Variants in NECTIN4 observed in about 807,000 individuals in gnomAD.
NECTIN4 encodes nectin cell adhesion molecule 4, also known as nectin-4.
A neutral mutation model predicts 51.7 loss-of-function variants in NECTIN4; 19 were observed. The observed-to-expected ratio is 0.37, with a 90% CI of 0.26 to 0.54. The LOEUF is 0.54. Among genes scored for constraint, NECTIN4 ranks in the 20% least tolerant of loss-of-function variants. The pLI is 0.86. For missense variants in NECTIN4, 619 were observed against 662.4 expected (o/e 0.93, Z 0.72); for synonymous variants, 283 against 286.9 (o/e 0.99, Z 0.14).
intron 3 of NECTIN4, among the ~76,000 whole-genome samples, chr1:161,077,173 T>C (rs1653446745): frequency 6.6e-6 from 1 of 152,228 alleles, no homozygotes; most frequent in Non-Finnish European, 1.5e-5. Context: ...ACTAATATTT[T>C]AGAAAGTGCT....
chr1:161,083,517 G>A (rs1406501521), intron 1 of NECTIN4, among the ~76,000 whole-genome samples: 3 of 152,210 alleles, frequency 2.0e-5, no homozygotes, highest in African/African-American at 4.8e-5. Flanking sequence ...GCCAAGCCCA[G>A]GGACCCTTCT....
Position 161,073,810 on chromosome 1 carries a change from C to G in NECTIN4, c.1158-15G>C, listed in dbSNP as rs1239412258. ...GCTCCTCCTCACTGGGAAAGACACACCCTTGTCAGGAGCTGAGGGTAGTGG... is the reference window on the plus strand; with the variant it reads ...GCTCCTCCTCACTGGGAAAGACACAGCCTTGTCAGGAGCTGAGGGTAGTGG... On this transcript the variant is annotated splice_polypyrimidine_tract_variant and intron_variant, in intron 6 of 8. Transcript: ENST00000368012. 6.2e-7 allele frequency: 1 copy of G among 1,612,522 alleles called. No individual in the cohort carries two copies. The highest frequency in any genetic ancestry group is 8.5e-7 in the Non-Finnish European group (1 of 1,178,624).
intron 2 of NECTIN4, 36 bp downstream of exon 2, chr1:161,079,554 C>G: frequency 6.2e-7 from 1 of 1,600,040 alleles, no homozygotes; most frequent in Non-Finnish European, 8.5e-7. Context: ...CCTGCATCCA[C>G]AGCGGCTCAG....
At position 161,089,122 on chromosome 1, in the gene NECTIN4, G is replaced by A. The variant is rs926217607; in HGVS notation, c.79+96C>T. ...TTCAGAGTCAAAGAAAGGAGGATAT[G>A]TGTGTGCGTGCGTGTGTGTCTATGT... On this transcript the variant is annotated intron_variant, in intron 1 of 8. Coordinates refer to ENST00000368012, the MANE Select transcript of NECTIN4 (RefSeq NM_030916.3). The surrounding 1 kb of genome is among the most constrained non-coding windows in gnomAD (Gnocchi z 4.1). The A allele has an allele frequency of 1.8e-5, 19 of 1,068,200 alleles. No homozygotes were observed. The highest frequency in any genetic ancestry group is 1.6e-4 in the African/African-American group (10 of 64,490). 66.2% of individuals were successfully genotyped at this position (1,068,200 alleles called of 1,614,324 possible).
chr1:161,072,866 C>A lies in NECTIN4; in HGVS notation c.1328G>T (p.Arg443Leu). The change falls in exon 9 of 9, where the codon CGC becomes CTC. Residue 443 changes from arginine to leucine, a missense_variant. Coordinates refer to ENST00000368012, the MANE Select transcript of NECTIN4 (RefSeq NM_030916.3). ...CSVMSEEPEGRSYSTLTTVRE... is the reference protein window; with the variant it reads ...CSVMSEEPEGLSYSTLTTVRE... ...CACCGTGGTCAGCGTGGAGTAACTG[C>A]GGCCCTCGGGCTCTTCACTCTGGAG... 1 of 1,613,458 alleles carries A rather than the reference C, an allele frequency of 6.2e-7. No homozygotes were observed. Among genetic ancestry groups the A allele is most frequent in the South Asian group, 1.1e-5 (1 of 90,900 alleles).
chr1:161,079,697 G>T lies in NECTIN4; in HGVS notation c.332C>A (p.Ser111Ter). The change falls in exon 2 of 9, where the codon TCA (serine) becomes TAA (stop). Residue 111 changes from serine (S) to a stop codon, truncating the protein, a stop_gained. Coordinates refer to ENST00000368012, the MANE Select transcript of NECTIN4 (RefSeq NM_030916.3). LOFTEE classifies it high-confidence loss of function. ...PPPPRNPLDG[S>*]VLLRNAVQAD... ...CTGCACTGCGTTGCGCAGGAGCACT[G>T]AGCCGTCCAGGGGGTTGCGTGGGGG... The T allele has an allele frequency of 6.2e-7, 1 of 1,608,280 alleles. No individual in the cohort carries two copies. Among genetic ancestry groups the T allele is most frequent in the Non-Finnish European group, 8.5e-7 (1 of 1,179,620 alleles).
intron 1 of NECTIN4, among the ~76,000 whole-genome samples, chr1:161,082,102 G>T (rs1325748401): frequency 6.6e-6 from 1 of 152,146 alleles, no homozygotes. Flanking sequence ...GCTGAGGCAG[G>T]CAGATCACCT....
rs1491135774 is a variant in NECTIN4, at chr1:161,072,431, TCA to T, written c.*228_*229del. 4 of 605,324 alleles carry T rather than the reference TCA, an allele frequency of 6.6e-6. No homozygotes were observed. The highest frequency in any genetic ancestry group is 5.5e-5 in the African/African-American group (3 of 54,262). The allele number at this position is 605,324 out of a possible 1,614,324, so 37.5% of individuals were successfully genotyped here. A position where few individuals can be genotyped will look rare whatever the true frequency, so the allele number is the denominator to read the frequency against. On this transcript the variant is annotated 3_prime_UTR_variant, in exon 9 of 9. Transcript: ENST00000368012. ...CCACACACACACAGTCAGTCAACAC[TCA>T]CACAGGCACACATGCACACACACAG...
rs530248465 is a variant in NECTIN4, at chr1:161,075,083, C to T, written c.852-324G>A. On this transcript the variant is annotated intron_variant, in intron 4 of 8. Coordinates refer to ENST00000368012, the MANE Select transcript of NECTIN4 (RefSeq NM_030916.3). ...GTCCACACAACAGGACACTCCACTCCTAGCTGGGTGTAGAGGTAATTGGAA... is the reference window on the plus strand; with the variant it reads ...GTCCACACAACAGGACACTCCACTCTTAGCTGGGTGTAGAGGTAATTGGAA... Among the ~76,000 whole-genome samples the T allele has an allele frequency of 2.6e-5, 4 of 152,388 alleles. No homozygotes were observed. In the East Asian group the frequency reaches 7.7e-4, roughly 29 times the overall value.
At chr1:161,080,101 A>G in intron 1 of NECTIN4, 152 bp from the exon 2 acceptor site, 2 of 940,184 alleles carry the variant, frequency 2.1e-6, no homozygotes, top group Non-Finnish European at 3.1e-6. Context: ...TTAAATCTAC[A>G]AAACGCCTTC....
chr1:161,074,084 C>T (rs1312663994), intron 6 of NECTIN4, 133 bp downstream of exon 6: 2 of 1,145,528 alleles, frequency 1.7e-6, no homozygotes, highest in Non-Finnish European at 2.6e-6. Context: ...GCCCTAGAAA[C>T]ACCCTGCCCA....
intron 1 of NECTIN4, among the ~76,000 whole-genome samples, chr1:161,081,525 G>A (rs1173962725): frequency 6.6e-6 from 1 of 152,158 alleles, no homozygotes; most frequent in Non-Finnish European, 1.5e-5. Flanking sequence ...TAAATTTGGA[G>A]TCATGGAATC....
chr1:161,084,801 C>A (rs1653854282), intron 1 of NECTIN4: 2 of 152,206 alleles, frequency 1.3e-5, no homozygotes, highest in Admixed American at 6.5e-5. Context: ...CCAGCTCTGG[C>A]TCCAGGCCTG....
At position 161,072,536 on chromosome 1, in the gene NECTIN4, G is replaced by T. The variant is rs557246132; in HGVS notation, c.*125C>A. ...CAGAAGGGTTGGAGGTAAAGGTCAA[G>T]CAGTCAGTGGGATGGGGAGCATCTT... On this transcript the variant is annotated 3_prime_UTR_variant, in exon 9 of 9. Transcript: ENST00000368012. 1.9e-4 allele frequency: 152 copies of T among 803,174 alleles called. No homozygotes were observed. Among genetic ancestry groups the T allele is most frequent in the Non-Finnish European group, 3.1e-4 (146 of 464,808 alleles). The allele number at this position is 803,174 out of a possible 1,614,324, so 49.8% of individuals were successfully genotyped here.
chr1:161,072,587 A>G lies in NECTIN4; in HGVS notation c.*74T>C. On this transcript the variant is annotated 3_prime_UTR_variant, in exon 9 of 9. Coordinates refer to ENST00000368012, the MANE Select transcript of NECTIN4 (RefSeq NM_030916.3). ...CCGCAAGAAATGGGGGTGTTTAAGG[A>G]GGCCCCCAAGATGAGCTAAAATCTC... 8.0e-7 allele frequency: 1 copy of G among 1,257,352 alleles called. No homozygotes were observed. The highest frequency in any genetic ancestry group is 1.2e-6 in the Non-Finnish European group (1 of 854,858). 77.9% of individuals were successfully genotyped at this position (1,257,352 alleles called of 1,614,324 possible).
chr1:161,080,486 G>T (rs967574783), intron 1 of NECTIN4, among the ~76,000 whole-genome samples: 26 of 152,346 alleles, frequency 1.7e-4, no homozygotes, highest in South Asian at 2.1e-4. Flanking sequence ...CATAGGGTAG[G>T]AAGGGTCTAT....
At chr1:161,075,804 G>A (rs565258532) in intron 4 of NECTIN4, among the ~76,000 whole-genome samples, 4 of 151,180 alleles carry the variant, frequency 2.6e-5, no homozygotes, top group East Asian at 2.0e-4. Flanking sequence ...AGGGCTGGGC[G>A]TGGTGGCTCA....
intron 1 of NECTIN4, among the ~76,000 whole-genome samples, chr1:161,086,396 G>A (rs1247896503): frequency 6.6e-6 from 1 of 152,120 alleles, no homozygotes; most frequent in East Asian, 1.9e-4. Context: ...AGGTCCTACA[G>A]GAAAGGGCCT....
chr1:161,082,324 T>TC (rs1433062412), intron 1 of NECTIN4, among the ~76,000 whole-genome samples: 3 of 150,998 alleles, frequency 2.0e-5, no homozygotes, highest in Non-Finnish European at 4.4e-5. Flanking sequence ...CAAGACACCA[T>TC]CCCCCCGCCA....
Sources: allele counts gnomAD v4.1 joint callset (sites outside exome capture counted in the v4.1 genomes callset), GRCh38; gene constraint gnomAD v4.1.1; non-coding constraint Gnocchi (gnomAD v3.1); transcripts MANE v1.5; gene names NCBI Gene and HGNC (gene_info 2026-07-23, HGNC 2026-07-21).